FGD4: variants seen among roughly 807,000 people sequenced by gnomAD.
FGD4 encodes the protein FYVE, RhoGEF and PH domain containing 4.
FGD4 carries 42 observed loss-of-function variants against 102.0 expected under a neutral mutation model. That is an observed-to-expected ratio of 0.41 (90% CI 0.32 to 0.53). The LOEUF (loss-of-function observed/expected upper bound fraction) is 0.53. FGD4 is among the 20% of genes least tolerant of loss of function. FGD4 has a pLI of 0.21. For missense variants in FGD4, 902 were observed against 1,078.2 expected (o/e 0.84, Z 2.29); for synonymous variants, 380 against 375.7 (o/e 1.01, Z -0.13).
At chr12:32,523,854 T>C (rs1308742947) in intron 1 of FGD4, among the ~76,000 whole-genome samples, 1 of 151,728 alleles carries the variant, frequency 6.6e-6, no homozygotes. Context: ...GGCAGGCACC[T>C]GTAGTCCCAG....
intron 8 of FGD4, 111 bp from the exon 9 acceptor site, chr12:32,610,665 T>C: frequency 7.5e-6 from 7 of 930,624 alleles, no homozygotes; most frequent in South Asian, 1.5e-5. Flanking sequence ...AATGCCACTA[T>C]TTTTGTTGTA....
intron 1 of FGD4, chr12:32,502,348 CCTA>C (rs1380214754): frequency 3.0e-6 from 3 of 985,080 alleles, no homozygotes; most frequent in Non-Finnish European, 3.6e-6. Context: ...GGTAAGTAAC[CCTA>C]GTAATATGTA....
At chr12:32,610,691 T>C (rs1276398770) in intron 8 of FGD4, 85 bp from the exon 9 acceptor site, 20 of 1,255,122 alleles carry the variant, frequency 1.6e-5, no homozygotes, top group Non-Finnish European at 2.3e-5. Flanking sequence ...GGTCTCAGAC[T>C]TCTTAATTTA....
intron 3 of FGD4, among the ~76,000 whole-genome samples, chr12:32,581,743 C>T (rs1355371599): frequency 6.6e-6 from 1 of 152,040 alleles, no homozygotes; most frequent in African/African-American, 2.4e-5. Flanking sequence ...TAGGTAGACT[C>T]GGGGTCATCT....
intron 1 of FGD4, among the ~76,000 whole-genome samples, chr12:32,551,626 T>C (rs1943675359): frequency 6.6e-6 from 1 of 152,196 alleles, no homozygotes; most frequent in Admixed American, 6.5e-5. Context: ...CTTAACGATA[T>C]ATAATAACTG....
At chr12:32,431,913 A>G (rs1004413573) in intron 1 of FGD4, among the ~76,000 whole-genome samples, 1 of 152,200 alleles carries the variant, frequency 6.6e-6, no homozygotes, top group Non-Finnish European at 1.5e-5. Flanking sequence ...AGATATTTGA[A>G]ACCTTTTAAG....
At chr12:32,521,869 ACT>A (rs1228733115) in intron 1 of FGD4, among the ~76,000 whole-genome samples, 4 of 152,138 alleles carry the variant, frequency 2.6e-5, no homozygotes, top group Non-Finnish European at 5.9e-5. Flanking sequence ...CTACTGATGA[ACT>A]GTTGTGTCTT....
At chr12:32,616,775 T>G (rs1199807542) in intron 10 of FGD4, among the ~76,000 whole-genome samples, 1 of 152,234 alleles carries the variant, frequency 6.6e-6, no homozygotes, top group Non-Finnish European at 1.5e-5. Context: ...ACCATACTTT[T>G]TCATTGTTTT....
At chr12:32,517,405 T>TA (rs911664835) in intron 1 of FGD4, among the ~76,000 whole-genome samples, 4 of 151,462 alleles carry the variant, frequency 2.6e-5, no homozygotes, top group Non-Finnish European at 2.9e-5. Flanking sequence ...GGTCAAAGTC[T>TA]AAAAAAAAAT....
intron 1 of FGD4, among the ~76,000 whole-genome samples, chr12:32,471,804 T>G (rs151078939): frequency 6.6e-6 from 1 of 152,246 alleles, no homozygotes; most frequent in African/African-American, 2.4e-5. Flanking sequence ...CAGTGGATGC[T>G]ACCCACACAG....
intron 1 of FGD4, among the ~76,000 whole-genome samples, chr12:32,521,116 C>T (rs1352707674): frequency 6.6e-6 from 1 of 151,898 alleles, no homozygotes; most frequent in Non-Finnish European, 1.5e-5. Context: ...AGGCTGGGCG[C>T]GGTGGTTCAC....
At chr12:32,443,535 T>G (rs1591911857) in intron 1 of FGD4, among the ~76,000 whole-genome samples, 1 of 119,444 alleles carries the variant, frequency 8.4e-6, no homozygotes, top group East Asian at 2.3e-4. Flanking sequence ...GTGTTTTAGG[T>G]TTTTTTTTTT....
chr12:32,427,982 A>G (rs1469204676), intron 1 of FGD4, among the ~76,000 whole-genome samples: 1 of 152,134 alleles, frequency 6.6e-6, no homozygotes, highest in African/African-American at 2.4e-5. Flanking sequence ...GATCTCCTGA[A>G]TACAGCACAC....
At chr12:32,570,303 G>T (rs1945555742) in intron 2 of FGD4, among the ~76,000 whole-genome samples, 1 of 150,826 alleles carries the variant, frequency 6.6e-6, no homozygotes, top group Admixed American at 6.6e-5. Context: ...GACTGAAATG[G>T]TGTCAGCTTA....
At chr12:32,438,594 TTTTG>T (rs58806276) in intron 1 of FGD4, among the ~76,000 whole-genome samples, 1 of 58,068 alleles carries the variant, frequency 1.7e-5, no homozygotes, top group African/African-American at 9.2e-5. Context: ...AAAACATGTT[TTTTG>T]TTTGTTTGTT....
intron 1 of FGD4, among the ~76,000 whole-genome samples, chr12:32,478,530 T>C (rs1943642187): frequency 6.6e-6 from 1 of 152,226 alleles, no homozygotes; most frequent in Non-Finnish European, 1.5e-5. Context: ...CCTCGCAAAG[T>C]GCTGGGCTTA....
At chr12:32,529,138 C>T (rs1338680013) in intron 1 of FGD4, among the ~76,000 whole-genome samples, 5 of 151,792 alleles carry the variant, frequency 3.3e-5, no homozygotes, top group Non-Finnish European at 7.4e-5. Context: ...TTTTTTGAGA[C>T]GCAGTCTCAC....
chr12:32,618,371 A>T (rs539411092), intron 10 of FGD4, among the ~76,000 whole-genome samples: 1 of 152,340 alleles, frequency 6.6e-6, no homozygotes, highest in Non-Finnish European at 1.5e-5. Context: ...GAAGAGGGAA[A>T]GAAGTGTTAA....
chr12:32,540,037 A>T (rs1357322166), intron 1 of FGD4, among the ~76,000 whole-genome samples: 1 of 152,236 alleles, frequency 6.6e-6, no homozygotes, highest in Non-Finnish European at 1.5e-5. Flanking sequence ...AAAATAGCAA[A>T]ATAAGAAATA....
Sources: allele counts gnomAD v4.1 joint callset (sites outside exome capture counted in the v4.1 genomes callset), GRCh38; gene constraint gnomAD v4.1.1; transcripts MANE v1.5; gene names NCBI Gene and HGNC (gene_info 2026-07-23, HGNC 2026-07-21).